Variants in MARCHF1 observed in about 807,000 individuals in gnomAD.
The protein encoded by MARCHF1 is membrane associated ring-CH-type finger 1, also known as E3 ubiquitin-protein ligase MARCHF1.
A neutral mutation model predicts 54.2 loss-of-function variants in MARCHF1; 40 were observed. The observed-to-expected ratio is 0.74, with a 90% CI of 0.57 to 0.96. MARCHF1 has a LOEUF of 0.96. Among genes scored for constraint, MARCHF1 ranks in the 40% least tolerant of loss-of-function variants. The probability of loss-of-function intolerance (pLI) is 0.00; values close to 1 mark genes in which losing one functional copy is unlikely to be tolerated. For synonymous variants in MARCHF1, 236 were observed against 236.3 expected, an observed-to-expected ratio of 1.00 and a Z score of 0.01; for missense variants, 586 against 656.5, an observed-to-expected ratio of 0.89 and a Z score of 1.17.
rs1747828409 is a variant in MARCHF1, at chr4:163,793,571, T to A, written c.111+60450A>T. The stretch of plus-strand genomic sequence containing the variant: ...GAGGAGACCACCCCTCATATTGTCT[T>A]ATGCCCAATTTCTGCCTCCAAAGAA... On this transcript the variant is annotated intron_variant, in intron 4 of 9. Coordinates refer to ENST00000514618, the MANE Select transcript of MARCHF1 (RefSeq NM_001394959.1). Among the ~76,000 whole-genome samples, 4 of 152,128 alleles carry A rather than the reference T, an allele frequency of 2.6e-5. No homozygotes were observed. In the South Asian group the frequency reaches 8.3e-4, roughly 32 times the overall value.
chr4:163,980,973 T>C (rs1007307779), intron 3 of MARCHF1, among the ~76,000 whole-genome samples: 3 of 152,188 alleles, frequency 2.0e-5, no homozygotes, highest in African/African-American at 7.2e-5. Context: ...TGGAGCTCGC[T>C]TAGAAATCAA....
intron 1 of MARCHF1, among the ~76,000 whole-genome samples, chr4:164,368,510 G>A (rs974904389): frequency 1.3e-5 from 2 of 151,906 alleles, no homozygotes; most frequent in African/African-American, 4.8e-5. Context: ...TCACTTTTAT[G>A]GCTAATATAA....
At chr4:164,122,038 C>G (rs971340634) in intron 1 of MARCHF1, among the ~76,000 whole-genome samples, 3 of 152,128 alleles carry the variant, frequency 2.0e-5, no homozygotes, top group African/African-American at 7.2e-5. Context: ...TATGGTTCAA[C>G]ATACACAAAT....
intron 4 of MARCHF1, among the ~76,000 whole-genome samples, chr4:163,704,185 G>A (rs1004808513): frequency 6.6e-6 from 1 of 151,338 alleles, no homozygotes; most frequent in Non-Finnish European, 1.5e-5. Flanking sequence ...CCACTAATCT[G>A]ATATTCTGCA....
intron 4 of MARCHF1, among the ~76,000 whole-genome samples, chr4:163,740,561 A>T (rs932433590): frequency 6.6e-6 from 1 of 152,190 alleles, no homozygotes; most frequent in African/African-American, 2.4e-5. Flanking sequence ...GTAACTGGGG[A>T]GAAACCTTGA....
At chr4:163,847,865 G>A (rs1253357930) in intron 4 of MARCHF1, among the ~76,000 whole-genome samples, 1 of 152,174 alleles carries the variant, frequency 6.6e-6, no homozygotes, top group Non-Finnish European at 1.5e-5. Context: ...ACAGGCATGA[G>A]CCACTGCACC....
At position 163,750,856 on chromosome 4, in the gene MARCHF1, T is replaced by C. The variant is rs182141127; in HGVS notation, c.112-49993A>G. ...GACCATTCTGTATTTCTCTCTGGTA[T>C]GTAAGATTAGATTAAATTTTAAAAA... On this transcript the variant is annotated intron_variant, in intron 4 of 9. Transcript: ENST00000514618. Among the ~76,000 whole-genome samples the C allele has an allele frequency of 7.7e-4, 118 of 152,316 alleles. 1 individual carries two copies. In the East Asian group the frequency reaches 0.022, roughly 28 times the overall value.
At chr4:163,863,044 A>T (rs1749974871) in intron 3 of MARCHF1, among the ~76,000 whole-genome samples, 2 of 152,050 alleles carry the variant, frequency 1.3e-5, no homozygotes, top group South Asian at 4.1e-4. Flanking sequence ...TGATCAGTGG[A>T]GGGCAGTGAA....
intron 1 of MARCHF1, among the ~76,000 whole-genome samples, chr4:164,308,520 C>G (rs991242752): frequency 2.6e-5 from 4 of 152,050 alleles, no homozygotes; most frequent in African/African-American, 9.7e-5. Flanking sequence ...GCTCACCTTG[C>G]ACTCCTTGCA....
chr4:164,021,678 A>G (rs1209192904), intron 2 of MARCHF1, among the ~76,000 whole-genome samples: 4 of 151,884 alleles, frequency 2.6e-5, no homozygotes, highest in African/African-American at 9.7e-5. Flanking sequence ...AACATGGTGA[A>G]ACCCTGTCTC....
intron 5 of MARCHF1, among the ~76,000 whole-genome samples, chr4:163,683,404 C>T (rs1471694834): frequency 6.6e-6 from 1 of 152,124 alleles, no homozygotes; most frequent in African/African-American, 2.4e-5. Flanking sequence ...ACCTCCCACC[C>T]ATTCCCTCCC....
intron 1 of MARCHF1, among the ~76,000 whole-genome samples, chr4:164,172,457 CA>C (rs1560938306): frequency 2.0e-5 from 3 of 151,964 alleles, no homozygotes; most frequent in Admixed American, 2.0e-4. Context: ...AAATTATAGA[CA>C]GAAAGATCTT....
chr4:163,694,445 T>C (rs1204828674), intron 5 of MARCHF1, among the ~76,000 whole-genome samples: 1 of 152,194 alleles, frequency 6.6e-6, no homozygotes, highest in Non-Finnish European at 1.5e-5. Context: ...TGGCAAATAC[T>C]GGAGGATGAA....
At chr4:163,725,988 AT>A (rs11313587) in intron 4 of MARCHF1, among the ~76,000 whole-genome samples, 71,448 of 151,716 alleles carry the variant, frequency 0.47, 16,863 homozygotes, top group Admixed American at 0.5. Context: ...TACCTTTACC[AT>A]TTTTTTCTTT....
At chr4:163,853,190 G>C (rs1389692) in intron 4 of MARCHF1, among the ~76,000 whole-genome samples, 1 of 152,210 alleles carries the variant, frequency 6.6e-6, no homozygotes, top group South Asian at 2.1e-4. Context: ...AAAACAAAAT[G>C]AACAGTAAAA....
chr4:163,921,918 A>G (rs1054071127), intron 3 of MARCHF1, among the ~76,000 whole-genome samples: 1 of 152,182 alleles, frequency 6.6e-6, no homozygotes, highest in African/African-American at 2.4e-5. Context: ...ACACATGCAC[A>G]CATATGTTTA....
intron 1 of MARCHF1, among the ~76,000 whole-genome samples, chr4:164,297,168 T>C (rs1219130188): frequency 6.6e-6 from 1 of 152,190 alleles, no homozygotes; most frequent in Non-Finnish European, 1.5e-5. Context: ...AAATTCTCAA[T>C]GCAAACAATA....
chr4:163,837,507 A>C (rs1387997361), intron 4 of MARCHF1, among the ~76,000 whole-genome samples: 1 of 152,132 alleles, frequency 6.6e-6, no homozygotes, highest in African/African-American at 2.4e-5. Context: ...TATCAAACAA[A>C]ACTTGTAAAA....
At chr4:164,014,119 G>T (rs1753485800) in intron 2 of MARCHF1, among the ~76,000 whole-genome samples, 1 of 151,480 alleles carries the variant, frequency 6.6e-6, no homozygotes. Flanking sequence ...TTGAACCCAG[G>T]AGGCAGAGGT....
Sources: allele counts gnomAD v4.1 joint callset (sites outside exome capture counted in the v4.1 genomes callset), GRCh38; gene constraint gnomAD v4.1.1; transcripts MANE v1.5; gene names NCBI Gene and HGNC (gene_info 2026-07-23, HGNC 2026-07-21).